The following ARMH4 variants were observed in gnomAD, a reference collection of about 807,000 sequenced individuals.
ARMH4 encodes the protein armadillo-like helical domain-containing protein 4.
A neutral mutation model predicts 61.9 loss-of-function variants in ARMH4; 49 were observed. The ratio of observed to expected loss-of-function variants is 0.79; its 90% CI spans 0.63 to 1.00. The LOEUF is 1.00. ARMH4 is among the 50% of genes least tolerant of loss of function. ARMH4 has a pLI of 0.00. For synonymous variants in ARMH4, 368 were observed against 341.5 expected (o/e 1.08, Z -0.85); for missense variants, 934 against 930.0 (o/e 1.00, Z -0.06).
chr14:58,051,559 T>C (rs1440969795), intron 5 of ARMH4, among the ~76,000 whole-genome samples: 1 of 152,212 alleles, frequency 6.6e-6, no homozygotes, highest in Non-Finnish European at 1.5e-5. Flanking sequence ...GAATAACCAA[T>C]ACATTCATTC....
chr14:58,085,024 T>C (rs533032265), intron 5 of ARMH4, among the ~76,000 whole-genome samples: 3 of 152,260 alleles, frequency 2.0e-5, no homozygotes, highest in Non-Finnish European at 4.4e-5. Context: ...GAAAAATTAC[T>C]TAATTGCTCT....
At chr14:58,141,945 C>T (rs1409344379) in intron 1 of ARMH4, among the ~76,000 whole-genome samples, 3 of 151,972 alleles carry the variant, frequency 2.0e-5, no homozygotes, top group Non-Finnish European at 4.4e-5. Flanking sequence ...TTATTGAATA[C>T]CCATTATTAT....
At chr14:58,015,220 A>T (rs67384390) in intron 5 of ARMH4, among the ~76,000 whole-genome samples, 9,534 of 152,318 alleles carry the variant, frequency 0.063, 395 homozygotes, top group African/African-American at 0.11. Flanking sequence ...ACTGAAGGCA[A>T]GAAGGCACAT....
chr14:58,115,716 C>T lies in ARMH4; in HGVS notation c.1831+15796G>A, dbSNP rs147859624. 2.6e-3 allele frequency among the ~76,000 whole-genome samples: 396 copies of T among 152,202 alleles called. 2 individuals are homozygous for T. Among genetic ancestry groups the T allele is most frequent in the Middle Eastern group, 0.014 (4 of 294 alleles). The stretch of plus-strand genomic sequence containing the variant: ...TAACGAAAATGTGATACATATACAC[C>T]ATGGAATACTATGCAGCCATAAAAA... On this transcript the variant is annotated intron_variant, in intron 4 of 7. Transcript: ENST00000267485.
At chr14:58,028,662 T>A (rs962954485) in intron 5 of ARMH4, among the ~76,000 whole-genome samples, 4 of 152,188 alleles carry the variant, frequency 2.6e-5, no homozygotes, top group African/African-American at 9.6e-5. Context: ...TTATGTTTGG[T>A]CCAGTGTCCC....
At position 58,058,142 on chromosome 14, in the gene ARMH4, G is replaced by A. The variant is rs139523399; in HGVS notation, c.2089+38582C>T. Among the ~76,000 whole-genome samples the A allele has an allele frequency of 5.3e-3, 804 of 152,284 alleles. 6 individuals are homozygous for A. Among genetic ancestry groups the A allele is most frequent in the African/African-American group, 0.018 (738 of 41,556 alleles). ...GGACAACCCTTGGATACCAACATCT[G>A]AGGATGTTCAAGGTAATGATATAAA... is the stretch of plus-strand genomic sequence containing the variant. On this transcript the variant is annotated intron_variant, in intron 5 of 7. Coordinates refer to ENST00000267485, the MANE Select transcript of ARMH4 (RefSeq NM_001001872.4).
Position 58,122,354 on chromosome 14 carries a change from A to G in ARMH4, c.1831+9158T>C, listed in dbSNP as rs181046170. On this transcript the variant is annotated intron_variant, in intron 4 of 7. Transcript: ENST00000267485. ...TATGAATTATTCAGTGATGTCCACT[A>G]TAACACAGGGAAAGGAAGAAAATCC... Among the ~76,000 whole-genome samples, 139 of 152,310 alleles carry G rather than the reference A, an allele frequency of 9.1e-4. No individual in the cohort carries two copies. In the East Asian group the frequency reaches 0.022, roughly 24 times the overall value.
intron 1 of ARMH4, among the ~76,000 whole-genome samples, chr14:58,151,024 T>C (rs865898396): frequency 1.3e-5 from 2 of 152,188 alleles, no homozygotes; most frequent in Non-Finnish European, 1.5e-5. Flanking sequence ...TCAAGAATTT[T>C]TGCCCTTTGG....
Position 58,119,517 on chromosome 14 carries a change from C to T in ARMH4, c.1831+11995G>A, listed in dbSNP as rs147423958. Among the ~76,000 whole-genome samples, 339 of 152,282 alleles carry T rather than the reference C, an allele frequency of 2.2e-3. 1 individual carries two copies. The highest frequency in any genetic ancestry group is 7.7e-3 in the African/African-American group (318 of 41,550). The stretch of plus-strand genomic sequence containing the variant: ...ACCACTCACATATAGTTCCAAGCTA[C>T]GTGTTTGCCTCAGCATCTGCACAAA... On this transcript the variant is annotated intron_variant, in intron 4 of 7. Coordinates refer to ENST00000267485, the MANE Select transcript of ARMH4 (RefSeq NM_001001872.4).
rs1566599464 is a variant in ARMH4 at position 58,138,399 on chromosome 14, C to G, written c.960G>C (p.Glu320Asp). ...TGGGGGTCCTTATCCGGCTTACACT[C>G]TCTAATTTGGTGTCATCCCACTCAT... The part of the protein sequence containing the change: ...LSDEWDDTKL[E>D]SVSRIRTPKL... Residue 320 changes from glutamate (E) to aspartate (D), a missense_variant, in exon 2 of 8, where the codon GAG becomes GAC. By Grantham distance (45) the Glu-to-Asp change is conservative. Transcript: ENST00000267485. The G allele has an allele frequency of 6.2e-7, 1 of 1,614,058 alleles. No homozygotes were observed. Among genetic ancestry groups the G allele is most frequent in the Non-Finnish European group, 8.5e-7 (1 of 1,180,048 alleles).
At chr14:58,064,159 A>G (rs1290886907) in intron 5 of ARMH4, among the ~76,000 whole-genome samples, 2 of 150,062 alleles carry the variant, frequency 1.3e-5, no homozygotes, top group Non-Finnish European at 2.9e-5. Flanking sequence ...ACGGTCACTT[A>G]TAATATTTAT....
chr14:58,068,722 C>G (rs1884784442), intron 5 of ARMH4, among the ~76,000 whole-genome samples: 1 of 152,096 alleles, frequency 6.6e-6, no homozygotes, highest in South Asian at 2.1e-4. Flanking sequence ...AAAGAAGACT[C>G]TAGGCCACGC....
intron 5 of ARMH4, among the ~76,000 whole-genome samples, chr14:58,019,366 A>G (rs1304307234): frequency 6.6e-6 from 1 of 152,136 alleles, no homozygotes; most frequent in Non-Finnish European, 1.5e-5. Context: ...TTGAATTTCA[A>G]TAGTCATGTT....
intron 5 of ARMH4, among the ~76,000 whole-genome samples, chr14:58,020,001 T>TAG (rs1882760583): frequency 6.6e-6 from 1 of 151,862 alleles, no homozygotes; most frequent in South Asian, 2.1e-4. Context: ...ACTAAAGGGG[T>TAG]AGGGATGGGA....
chr14:58,119,994 A>AT (rs1274648600), intron 4 of ARMH4, among the ~76,000 whole-genome samples: 4 of 94,920 alleles, frequency 4.2e-5, no homozygotes, highest in African/African-American at 1.3e-4. Context: ...TCACTTAACA[A>AT]TCGGATACAT....
intron 5 of ARMH4, among the ~76,000 whole-genome samples, chr14:58,026,906 C>T (rs1051348273): frequency 3.3e-5 from 5 of 152,044 alleles, no homozygotes; most frequent in African/African-American, 1.2e-4. Context: ...TGCCATTGGC[C>T]CTTAGCTGGA....
chr14:58,093,142 T>C (rs1400928915), intron 5 of ARMH4, among the ~76,000 whole-genome samples: 1 of 152,212 alleles, frequency 6.6e-6, no homozygotes, highest in Non-Finnish European at 1.5e-5. Flanking sequence ...AAGACATGTT[T>C]GCTTCCCCTT....
At chr14:58,034,473 G>T (rs1229128636) in intron 5 of ARMH4, among the ~76,000 whole-genome samples, 1 of 127,276 alleles carries the variant, frequency 7.9e-6, no homozygotes, top group Non-Finnish European at 1.7e-5. Flanking sequence ...AGACCATCGA[G>T]ACTAGGAAGA....
intron 3 of ARMH4, among the ~76,000 whole-genome samples, chr14:58,132,850 G>T (rs992205018): frequency 3.9e-5 from 6 of 152,102 alleles, no homozygotes; most frequent in Non-Finnish European, 8.8e-5. Context: ...CTCCCAAAGT[G>T]CTGGGATTAC....
Sources: allele counts gnomAD v4.1 joint callset (sites outside exome capture counted in the v4.1 genomes callset), GRCh38; gene constraint gnomAD v4.1.1; transcripts MANE v1.5; gene names NCBI Gene and HGNC (gene_info 2026-07-23, HGNC 2026-07-21).